The following KCNMA1 variants were observed in gnomAD, a reference collection of about 807,000 sequenced individuals.
KCNMA1 encodes the protein Calcium-activated potassium channel subunit alpha-1.
Under a neutral mutation model 140.0 loss-of-function variants are expected in KCNMA1, and 29 were observed. The ratio of observed to expected loss-of-function variants is 0.21; its 90% CI spans 0.15 to 0.28. KCNMA1 has a LOEUF of 0.28. KCNMA1 is among the 10% of genes least tolerant of loss of function. The probability of loss-of-function intolerance (pLI) is 1.00; values close to 1 mark genes in which losing one functional copy is unlikely to be tolerated. For synonymous variants in KCNMA1, 612 were observed against 611.9 expected (o/e 1.00, Z 0.00); for missense variants, 880 against 1,602.2 (o/e 0.55, Z 7.70).
rs111511867 is a variant in KCNMA1 at position 77,231,400 on chromosome 10, T to A, written c.602+19795A>T. Among the ~76,000 whole-genome samples the A allele has an allele frequency of 1.3e-3, 204 of 152,296 alleles. 2 individuals carry two copies. The highest frequency in any genetic ancestry group is 4.7e-3 in the African/African-American group (197 of 41,560). The stretch of plus-strand genomic sequence containing the variant: ...TTCAAGATGTGAAGTTGTGTGTAAA[T>A]TTGTGTGCATGTATGATGAATATTT... On this transcript the variant is annotated intron_variant, in intron 3 of 27. Transcript: ENST00000286628.
At chr10:77,572,160 C>T (rs565176989) in intron 1 of KCNMA1, among the ~76,000 whole-genome samples, 70 of 152,230 alleles carry the variant, frequency 4.6e-4, no homozygotes, top group Admixed American at 5.2e-4. Flanking sequence ...GGTCATTCTT[C>T]GTCACAGGAT....
chr10:77,310,420 C>T (rs960888026), intron 2 of KCNMA1, among the ~76,000 whole-genome samples: 1 of 152,210 alleles, frequency 6.6e-6, no homozygotes, highest in Admixed American at 6.5e-5. Context: ...ATCTAACAAG[C>T]ATTCCTGTGT....
intron 1 of KCNMA1, among the ~76,000 whole-genome samples, chr10:77,556,999 C>T (rs1447897163): frequency 6.6e-6 from 1 of 152,144 alleles, no homozygotes; most frequent in Non-Finnish European, 1.5e-5. Flanking sequence ...GCTGCAAGAC[C>T]TGATTGGTTT....
chr10:76,912,976 C>T (rs939966391), intron 24 of KCNMA1: 1 of 152,150 alleles, frequency 6.6e-6, no homozygotes, highest in Non-Finnish European at 1.5e-5. Flanking sequence ...TACTCCCTGA[C>T]CTGAGTGAAT....
intron 2 of KCNMA1, among the ~76,000 whole-genome samples, chr10:77,371,652 C>A (rs1270362077): frequency 6.6e-6 from 1 of 152,152 alleles, no homozygotes; most frequent in Non-Finnish European, 1.5e-5. Context: ...CCCACCGGTC[C>A]CCTCATTGCA....
chr10:77,490,970 C>T (rs2098524917), intron 1 of KCNMA1, among the ~76,000 whole-genome samples: 1 of 152,154 alleles, frequency 6.6e-6, no homozygotes, highest in East Asian at 1.9e-4. Flanking sequence ...ATCAGCCCTA[C>T]TGTAGGAGCC....
At chr10:77,272,766 A>G (rs2065528297) in intron 2 of KCNMA1, among the ~76,000 whole-genome samples, 1 of 152,206 alleles carries the variant, frequency 6.6e-6, no homozygotes, top group Non-Finnish European at 1.5e-5. Context: ...ATGTTAGATC[A>G]TTAAGTTGGT....
intron 1 of KCNMA1, among the ~76,000 whole-genome samples, chr10:77,557,530 C>T (rs537303560): frequency 6.6e-6 from 1 of 152,220 alleles, no homozygotes; most frequent in South Asian, 2.1e-4. Context: ...CTCCTTAGGG[C>T]TTCCAGAAAT....
chr10:76,960,041 G>A (rs1211914428), intron 20 of KCNMA1, among the ~76,000 whole-genome samples: 2 of 152,192 alleles, frequency 1.3e-5, no homozygotes, highest in African/African-American at 4.8e-5. Flanking sequence ...CTTTAAGGAG[G>A]CAGCCATATC....
rs529577370 is a variant in KCNMA1, at chr10:77,391,797, G to C, written c.540+12065C>G. Among the ~76,000 whole-genome samples, 9 of 152,024 alleles carry C rather than the reference G, an allele frequency of 5.9e-5. No individual in the cohort carries two copies. In the East Asian group the frequency reaches 1.6e-3, roughly 27 times the overall value. Reference sequence around the variant, plus strand: ...ACTAAACTTGGAAGCATCAGCTTGCGTGTGGTCCCGAGTGTGACTTTCCAA... The same window carrying C: ...ACTAAACTTGGAAGCATCAGCTTGCCTGTGGTCCCGAGTGTGACTTTCCAA... On this transcript the variant is annotated intron_variant, in intron 2 of 27. Coordinates refer to ENST00000286628, the MANE Select transcript of KCNMA1 (RefSeq NM_001161352.2).
chr10:77,082,676 G>A (rs1263475509), intron 12 of KCNMA1, among the ~76,000 whole-genome samples: 1 of 152,140 alleles, frequency 6.6e-6, no homozygotes, highest in African/African-American at 2.4e-5. Flanking sequence ...CCTGATCCTG[G>A]TGTAGCCACT....
chr10:76,883,741 T>TTTTTTC (rs60788135), downstream of KCNMA1, among the ~76,000 whole-genome samples: 1 of 127,700 alleles, frequency 7.8e-6, no homozygotes, highest in Non-Finnish European at 1.7e-5. Context: ...TTTTTTTTTT[T>TTTTTTC]GCGGGAGGCA....
intron 1 of KCNMA1, among the ~76,000 whole-genome samples, chr10:77,439,888 A>G (rs61856120): frequency 0.12 from 18,368 of 152,198 alleles, 1,173 homozygotes; most frequent in South Asian, 0.16. Context: ...AGTCCTGCAG[A>G]GTGGTGGCAA....
intron 19 of KCNMA1, chr10:76,995,720 TAAAA>T (rs1345570358): frequency 4.3e-6 from 2 of 469,128 alleles, no homozygotes; most frequent in East Asian, 1.4e-4. Context: ...TGTCCTGAAA[TAAAA>T]AAGCAAACAT....
At chr10:77,470,287 G>T (rs72807580) in intron 1 of KCNMA1, among the ~76,000 whole-genome samples, 3 of 152,120 alleles carry the variant, frequency 2.0e-5, no homozygotes, top group African/African-American at 4.8e-5. Context: ...CTGCTTAAAC[G>T]GTGCCACAGA....
intron 1 of KCNMA1, among the ~76,000 whole-genome samples, chr10:77,501,979 C>T (rs1041854188): frequency 6.6e-6 from 1 of 152,184 alleles, no homozygotes; most frequent in African/African-American, 2.4e-5. Flanking sequence ...ATCATACACT[C>T]GAGCATTTTA....
At position 76,891,717 on chromosome 10, in the gene KCNMA1, C is replaced by T. The variant is rs75116272; in HGVS notation, c.3150G>A (p.Thr1050=). The T allele has an allele frequency of 2.9e-4, 463 of 1,613,360 alleles. No individual in the cohort carries two copies. The highest frequency in any genetic ancestry group is 8.4e-4 in the African/African-American group (63 of 75,008). Reference sequence around the variant, plus strand: ...GGGTGAGGATATTGTCATTGAAGTACGTCTGGGGAAGGAGAGAAAGTGAGG... The same window carrying T: ...GGGTGAGGATATTGTCATTGAAGTATGTCTGGGGAAGGAGAGAAAGTGAGG... The part of the protein sequence containing the change: ...VSVLDSLMSA[T]YFNDNILTLI... The change falls in exon 26 of 28, where the codon ACG becomes ACA. Residue 1050 remains threonine (T), a splice_region_variant and synonymous_variant. Coordinates refer to ENST00000286628, the MANE Select transcript of KCNMA1 (RefSeq NM_001161352.2).
chr10:77,126,968 A>T (rs188841930), intron 5 of KCNMA1, among the ~76,000 whole-genome samples: 14 of 152,070 alleles, frequency 9.2e-5, no homozygotes, highest in African/African-American at 3.4e-4. Context: ...GGCACTCAGT[A>T]AATGGTAATT....
chr10:77,602,164 T>C (rs1383911487), intron 1 of KCNMA1, among the ~76,000 whole-genome samples: 7 of 152,224 alleles, frequency 4.6e-5, no homozygotes, highest in Admixed American at 4.6e-4. Context: ...AGGTCTCCCA[T>C]GTCTGCCCTG....
Sources: allele counts gnomAD v4.1 joint callset (sites outside exome capture counted in the v4.1 genomes callset), GRCh38; gene constraint gnomAD v4.1.1; transcripts MANE v1.5; gene names NCBI Gene and HGNC (gene_info 2026-07-23, HGNC 2026-07-21).